PRR16: variants seen among roughly 807,000 people sequenced by gnomAD.
The protein encoded by PRR16 is proline rich 16.
In PRR16, 6 loss-of-function variants were observed where a neutral mutation model predicts 18.2. The ratio of observed to expected loss-of-function variants is 0.33; its 90% confidence interval spans 0.18 to 0.65. The LOEUF is 0.65. PRR16 is among the 30% of genes least tolerant of loss of function. The pLI, the probability that PRR16 is intolerant of heterozygous loss-of-function variation, is 0.74. For synonymous variants in PRR16, 151 were observed against 147.8 expected (o/e 1.02, Z -0.16); for missense variants, 412 against 376.6 (o/e 1.09, Z -0.78).
intron 1 of PRR16, among the ~76,000 whole-genome samples, chr5:120,509,206 C>A (rs1750744069): frequency 6.6e-6 from 1 of 152,022 alleles, no homozygotes; most frequent in South Asian, 2.1e-4. Flanking sequence ...CTTGTAAATA[C>A]TTTAGCTCAC....
chr5:120,761,128 A>G, the PRR16 span, among the ~76,000 whole-genome samples: 6 of 152,064 alleles, frequency 3.9e-5, no homozygotes, highest in African/African-American at 1.4e-4. Flanking sequence ...TATATTAAAA[A>G]TCAAGACTCA....
At chr5:120,512,224 C>G (rs781592736) in intron 1 of PRR16, among the ~76,000 whole-genome samples, 2 of 152,178 alleles carry the variant, frequency 1.3e-5, no homozygotes, top group African/African-American at 4.8e-5. Context: ...ACATCTCCTT[C>G]CCTCCCCCAC....
At chr5:120,778,854 C>G in the PRR16 span, among the ~76,000 whole-genome samples, 1 of 152,076 alleles carries the variant, frequency 6.6e-6, no homozygotes, top group African/African-American at 2.4e-5. Flanking sequence ...GATCGCTTGT[C>G]TAATGCATTT....
intron 1 of PRR16, among the ~76,000 whole-genome samples, chr5:120,657,440 A>C (rs1756020440): frequency 6.6e-6 from 1 of 151,922 alleles, no homozygotes; most frequent in South Asian, 2.1e-4. Flanking sequence ...GTGCCTTGAA[A>C]TCAAATTGTG....
the PRR16 span, among the ~76,000 whole-genome samples, chr5:120,758,997 A>C: frequency 9.9e-6 from 1 of 101,252 alleles, no homozygotes; most frequent in Non-Finnish European, 1.9e-5. Context: ...TTTTTTTGAG[A>C]CGGAGTCTTG....
chr5:120,641,105 T>C (rs1435507733), intron 1 of PRR16, among the ~76,000 whole-genome samples: 2 of 152,072 alleles, frequency 1.3e-5, no homozygotes, highest in Non-Finnish European at 2.9e-5. Context: ...ACCGTGAGGG[T>C]GAGAGGCTAA....
At chr5:120,614,156 A>C (rs1299938210) in intron 1 of PRR16, among the ~76,000 whole-genome samples, 1 of 152,220 alleles carries the variant, frequency 6.6e-6, no homozygotes, top group Admixed American at 6.5e-5. Flanking sequence ...CACGTGAGAC[A>C]TGTTTTAAAA....
intron 1 of PRR16, among the ~76,000 whole-genome samples, chr5:120,650,989 G>A (rs923683941): frequency 3.3e-5 from 5 of 152,100 alleles, no homozygotes; most frequent in African/African-American, 1.2e-4. Context: ...TCCAGCACCT[G>A]TTGTTTCCTG....
chr5:120,563,786 T>G (rs559967523), intron 1 of PRR16, among the ~76,000 whole-genome samples: 1 of 152,136 alleles, frequency 6.6e-6, no homozygotes, highest in African/African-American at 2.4e-5. Flanking sequence ...TAAGACAATG[T>G]CCCCTTTACT....
At chr5:120,484,446 A>C (rs1003252126) in intron 1 of PRR16, among the ~76,000 whole-genome samples, 2 of 145,402 alleles carry the variant, frequency 1.4e-5, no homozygotes, top group African/African-American at 5.0e-5. Context: ...CTTATATGTT[A>C]GATATATTTT....
At chr5:120,711,650 GCCA>G in the PRR16 span, among the ~76,000 whole-genome samples, 272 of 152,188 alleles carry the variant, frequency 1.8e-3, no homozygotes, top group Non-Finnish European at 3.4e-3. Context: ...GACACACTTG[GCCA>G]CCAAGTCTGA....
chr5:120,712,588 C>T, the PRR16 span, among the ~76,000 whole-genome samples: 1 of 151,410 alleles, frequency 6.6e-6, no homozygotes, highest in Admixed American at 6.6e-5. Flanking sequence ...GTTTAATATT[C>T]AAAATATATA....
chr5:120,493,230 T>C (rs1257636679), intron 1 of PRR16, among the ~76,000 whole-genome samples: 2 of 152,228 alleles, frequency 1.3e-5, no homozygotes, highest in Non-Finnish European at 2.9e-5. Context: ...ACTGTTTTTT[T>C]ACTTTTTAAT....
chr5:120,593,577 A>T (rs1184013882), intron 1 of PRR16, among the ~76,000 whole-genome samples: 1 of 152,092 alleles, frequency 6.6e-6, no homozygotes, highest in East Asian at 1.9e-4. Flanking sequence ...AGATGTACAA[A>T]AAAAGAGCTG....
the PRR16 span, among the ~76,000 whole-genome samples, chr5:120,709,100 T>C: frequency 2.8e-5 from 4 of 143,302 alleles, no homozygotes; most frequent in African/African-American, 1.0e-4. Flanking sequence ...CTCCAGCTCC[T>C]GGGTTCATGC....
chr5:120,699,927 T>G, the PRR16 span, among the ~76,000 whole-genome samples: 1,169 of 152,204 alleles, frequency 7.7e-3, 15 homozygotes, highest in African/African-American at 0.025. Flanking sequence ...TGGGCTTGAT[T>G]GAAGTAATGG....
intron 1 of PRR16, among the ~76,000 whole-genome samples, chr5:120,587,059 T>G (rs1753471994): frequency 6.6e-6 from 1 of 152,194 alleles, no homozygotes; most frequent in Admixed American, 6.5e-5. Context: ...GATAGACGAT[T>G]AAACATTTCC....
intron 1 of PRR16, among the ~76,000 whole-genome samples, chr5:120,499,198 C>T (rs887705383): frequency 6.6e-6 from 1 of 151,752 alleles, no homozygotes; most frequent in Non-Finnish European, 1.5e-5. Flanking sequence ...CACCCTCTGC[C>T]TACCGGGTTC....
intron 1 of PRR16, among the ~76,000 whole-genome samples, chr5:120,667,041 C>T (rs1377704733): frequency 1.3e-5 from 2 of 151,270 alleles, no homozygotes; most frequent in African/African-American, 4.9e-5. Flanking sequence ...ATGGTACCAG[C>T]TCCTCCTTGT....
Sources: allele counts gnomAD v4.1 joint callset (sites outside exome capture counted in the v4.1 genomes callset), GRCh38; gene constraint gnomAD v4.1.1; transcripts MANE v1.5; gene names NCBI Gene and HGNC (gene_info 2026-07-23, HGNC 2026-07-21).